Variants in ATP2C1 observed in about 807,000 individuals in gnomAD.
ATP2C1 encodes the protein calcium-transporting ATPase type 2C member 1.
In ATP2C1, 31 loss-of-function variants were observed where a neutral mutation model predicts 120.5. That is an observed-to-expected ratio of 0.26 (90% CI 0.19 to 0.35). The LOEUF is 0.35. Ranked by LOEUF, ATP2C1 falls within the 10% of genes least tolerant of loss-of-function variation. ATP2C1 has a pLI of 1.00. For synonymous variants in ATP2C1, 351 were observed against 358.7 expected (o/e 0.98, Z 0.24); for missense variants, 731 against 1,107.5 (o/e 0.66, Z 4.83).
At chr3:130,895,599 C>T (rs1490312652) in intron 2 of ATP2C1, among the ~76,000 whole-genome samples, 1 of 152,056 alleles carries the variant, frequency 6.6e-6, no homozygotes, top group East Asian at 1.9e-4. Flanking sequence ...AACCGGGCTG[C>T]AAAATACTAT....
chr3:131,002,586 A>T lies in ATP2C1; in HGVS notation c.*1236A>T, dbSNP rs2062943166. ...ATGAAAGCTTGATGAGGTATAGGTC[A>T]TTTGTTTTGAGTATGTGGGCCAGAA... On this transcript the variant is annotated 3_prime_UTR_variant, in exon 28 of 28. Coordinates refer to ENST00000510168, the MANE Select transcript of ATP2C1 (RefSeq NM_001378687.1). The T allele has an allele frequency of 1.0e-6, 1 of 985,466 alleles. No homozygotes were observed. The highest frequency in any genetic ancestry group is 1.2e-6 in the Non-Finnish European group (1 of 829,924). The allele number at this position is 985,466 out of a possible 1,614,324, so 61.0% of individuals were successfully genotyped here.
chr3:130,929,182 A>C (rs985799377), intron 2 of ATP2C1, among the ~76,000 whole-genome samples: 2 of 152,202 alleles, frequency 1.3e-5, no homozygotes, highest in African/African-American at 4.8e-5. Flanking sequence ...CTCCTCATTA[A>C]AAGTTGAAAA....
At chr3:130,860,047 A>G (rs1295192157) in intron 1 of ATP2C1, among the ~76,000 whole-genome samples, 1 of 152,240 alleles carries the variant, frequency 6.6e-6, no homozygotes, top group Non-Finnish European at 1.5e-5. Flanking sequence ...TGGTTTTTAA[A>G]TACTCTGTGA....
chr3:130,958,228 GT>G (rs201847178), intron 11 of ATP2C1, among the ~76,000 whole-genome samples: 1 of 150,186 alleles, frequency 6.7e-6, no homozygotes, highest in African/African-American at 2.4e-5. Context: ...GTCAGCAATT[GT>G]TTTTTTTTGT....
intron 18 of ATP2C1, among the ~76,000 whole-genome samples, chr3:130,978,155 C>T (rs754854268): frequency 9.2e-5 from 14 of 152,196 alleles, no homozygotes; most frequent in African/African-American, 3.4e-4. Context: ...TCTATCCTAA[C>T]ACCAGGAACT....
chr3:130,969,212 A>G, intron 16 of ATP2C1, 80 bp from the exon 17 acceptor site: 1 of 931,474 alleles, frequency 1.1e-6, no homozygotes, highest in Non-Finnish European at 1.8e-6. Context: ...ACCTAGTTAC[A>G]AGTGGTGACC....
intron 1 of ATP2C1, among the ~76,000 whole-genome samples, chr3:130,884,242 CCTT>C (rs2068888300): frequency 6.6e-6 from 1 of 152,152 alleles, no homozygotes; most frequent in South Asian, 2.1e-4. Flanking sequence ...TGCCCGTTCT[CCTT>C]CTTAATTTCT....
intron 2 of ATP2C1, among the ~76,000 whole-genome samples, chr3:130,897,696 C>T (rs1226212648): frequency 1.3e-5 from 2 of 152,114 alleles, no homozygotes; most frequent in Non-Finnish European, 2.9e-5. Flanking sequence ...TTTGGCACTT[C>T]GGTTTAGATT....
In ATP2C1 at chr3:130,929,383, A is replaced by G. The variant is rs146790052; in HGVS notation, c.7-1033A>G. Among the ~76,000 whole-genome samples the G allele has an allele frequency of 3.9e-4, 59 of 152,250 alleles. 1 individual carries two copies. The East Asian group carries it at 0.011, about 29-fold the overall frequency. The stretch of plus-strand genomic sequence containing the variant: ...TATGTGTGCAGGCCTCTGTAATGAC[A>G]CTCTAATGTAGTAGAATCTTCTTTG... On this transcript the variant is annotated intron_variant, in intron 2 of 27. Coordinates refer to ENST00000510168, the MANE Select transcript of ATP2C1 (RefSeq NM_001378687.1).
chr3:130,888,800 G>A (rs2069066435), intron 1 of ATP2C1, among the ~76,000 whole-genome samples: 1 of 152,128 alleles, frequency 6.6e-6, no homozygotes, highest in African/African-American at 2.4e-5. Flanking sequence ...TACTCCGATT[G>A]CTCTGATTTT....
chr3:130,859,297 T>C (rs1211290300), intron 1 of ATP2C1, among the ~76,000 whole-genome samples: 1 of 152,208 alleles, frequency 6.6e-6, no homozygotes, highest in East Asian at 1.9e-4. Flanking sequence ...TAGAGTAGCA[T>C]GTAATTCTCC....
rs979372344 is a variant in ATP2C1 at position 131,001,716 on chromosome 3, A to G, written c.*366A>G. On this transcript the variant is annotated 3_prime_UTR_variant, in exon 28 of 28. Coordinates refer to ENST00000510168, the MANE Select transcript of ATP2C1 (RefSeq NM_001378687.1). ...ATTTTTTTTTATTTTTAAATATTGT[A>G]CTATTTATGGTGGTGGGGCTTTCTT... The G allele has an allele frequency of 1.4e-5, 14 of 970,234 alleles. No individual in the cohort carries two copies. The highest frequency in any genetic ancestry group is 1.7e-5 in the Non-Finnish European group (14 of 815,410). The allele number at this position is 970,234 out of a possible 1,614,324, so 60.1% of individuals were successfully genotyped here.
chr3:130,926,027 T>C (rs1185476176), intron 2 of ATP2C1, among the ~76,000 whole-genome samples: 1 of 152,044 alleles, frequency 6.6e-6, no homozygotes, highest in African/African-American at 2.4e-5. Flanking sequence ...GTTACCAGGG[T>C]GGATACTTTG....
intron 8 of ATP2C1, among the ~76,000 whole-genome samples, chr3:130,948,907 C>T (rs2060256812): frequency 6.6e-6 from 1 of 152,040 alleles, no homozygotes. Flanking sequence ...TGTTTTGGGG[C>T]ATCATTAACG....
chr3:130,856,397 G>A (rs1458949091), intron 1 of ATP2C1, among the ~76,000 whole-genome samples: 3 of 152,126 alleles, frequency 2.0e-5, no homozygotes, highest in Non-Finnish European at 4.4e-5. Flanking sequence ...GATTTCCAAG[G>A]CTAAATAAGG....
At chr3:130,940,495 G>T in intron 6 of ATP2C1, 135 bp from the exon 7 acceptor site, 2 of 669,500 alleles carry the variant, frequency 3.0e-6, no homozygotes, top group South Asian at 3.5e-5. Flanking sequence ...AGCTTTTCTG[G>T]GTAAGAATAT....
chr3:130,940,608 C>T, intron 6 of ATP2C1, 22 bp from the exon 7 acceptor site: 1 of 1,536,014 alleles, frequency 6.5e-7, no homozygotes, highest in South Asian at 1.1e-5. Context: ...AAATTAAATT[C>T]TACTTTTTTT....
chr3:130,950,851 T>C (rs2060342555), intron 8 of ATP2C1, among the ~76,000 whole-genome samples: 1 of 145,382 alleles, frequency 6.9e-6, no homozygotes, highest in Admixed American at 7.0e-5. Flanking sequence ...GAAATCATGC[T>C]TTTCTCTTTT....
At chr3:130,989,269 A>G (rs535711161) in intron 20 of ATP2C1, among the ~76,000 whole-genome samples, 3 of 147,798 alleles carry the variant, frequency 2.0e-5, no homozygotes, top group Non-Finnish European at 4.5e-5. Context: ...AAACAAAAAA[A>G]CAAACACACA....
Sources: allele counts gnomAD v4.1 joint callset (sites outside exome capture counted in the v4.1 genomes callset), GRCh38; gene constraint gnomAD v4.1.1; transcripts MANE v1.5; gene names NCBI Gene and HGNC (gene_info 2026-07-23, HGNC 2026-07-21).